HIBCH: variants seen among roughly 807,000 people sequenced by gnomAD.
HIBCH encodes the protein 3-hydroxyisobutyryl-CoA hydrolase, also known as 3-hydroxyisobutyryl-CoA hydrolase, mitochondrial.
In HIBCH, 50 loss-of-function variants were observed where a neutral mutation model predicts 58.2. The observed-to-expected ratio is 0.86, with a 90% CI of 0.68 to 1.09. The LOEUF (loss-of-function observed/expected upper bound fraction) is 1.09, where lower values mean the gene tolerates loss of function less well. Among genes scored for constraint, HIBCH ranks in the 50% least tolerant of loss-of-function variants. The pLI is 0.00. For missense variants in HIBCH, 450 were observed against 449.7 expected (o/e 1.00, Z -0.01); for synonymous variants, 151 against 146.9 (o/e 1.03, Z -0.20).
In HIBCH at chr2:190,206,896, T is replaced by C. The variant is rs1559010184; in HGVS notation, c.1046-1664A>G. On this transcript the variant is annotated intron_variant, in intron 13 of 13. Transcript: ENST00000359678. This position sits in a 1 kb window ranked among gnomAD's most constrained non-coding sequence, Gnocchi z 5.1. Reference sequence around the variant, plus strand: ...ATCCCAGCACTTTGGGAGGCTGAGGTAGGCGGATTACGAGGTCAGGAGATC... The same window carrying C: ...ATCCCAGCACTTTGGGAGGCTGAGGCAGGCGGATTACGAGGTCAGGAGATC... Among the ~76,000 whole-genome samples, 2 of 151,832 alleles carry C rather than the reference T, an allele frequency of 1.3e-5. No individual in the cohort carries two copies. The highest frequency in any genetic ancestry group is 2.1e-4 in the South Asian group (1 of 4,806).
intron 2 of HIBCH, 53 bp downstream of exon 2, chr2:190,310,701 C>T (rs1688533923): frequency 7.2e-7 from 1 of 1,382,010 alleles, no homozygotes; most frequent in Non-Finnish European, 1.0e-6. Flanking sequence ...CTAACAATGA[C>T]ATTTTAAGTT....
intron 8 of HIBCH, among the ~76,000 whole-genome samples, chr2:190,250,733 T>G (rs1686739073): frequency 2.0e-5 from 3 of 152,210 alleles, no homozygotes; most frequent in African/African-American, 7.2e-5. Flanking sequence ...AAGGCCTTCA[T>G]AACAGTTTAC....
chr2:190,212,842 A>T (rs1690543401), intron 12 of HIBCH, 114 bp downstream of exon 12: 1 of 914,198 alleles, frequency 1.1e-6, no homozygotes, highest in South Asian at 1.5e-5. Flanking sequence ...TTGTAGAGTA[A>T]ATTTACAGGT....
At position 190,204,909 on chromosome 2, in the gene HIBCH, A is replaced by G; in HGVS notation, c.*208T>C. On this transcript the variant is annotated 3_prime_UTR_variant, in exon 14 of 14. Coordinates refer to ENST00000359678, the MANE Select transcript of HIBCH (RefSeq NM_014362.4). ...AGATAATATATAAACAGATGAGTAT[A>G]GCTAGTTCCAATAAAGCTTTATTTG... The G allele has an allele frequency of 1.8e-6, 1 of 565,150 alleles. No homozygotes were observed. The highest frequency in any genetic ancestry group is 3.2e-6 in the Non-Finnish European group (1 of 315,284). 35.0% of individuals were successfully genotyped at this position (565,150 alleles called of 1,614,324 possible). A position where few individuals can be genotyped will look rare whatever the true frequency, so the allele number is the denominator to read the frequency against.
At chr2:190,310,618 CTT>C (rs1440413330) in intron 2 of HIBCH, 134 bp downstream of exon 2, 17 of 773,690 alleles carry the variant, frequency 2.2e-5, no homozygotes, top group Middle Eastern at 2.4e-4. Context: ...TGTGCCATGT[CTT>C]GACACTCAGT....
intron 3 of HIBCH, 78 bp downstream of exon 3, chr2:190,296,735 G>T: frequency 1.5e-6 from 2 of 1,303,724 alleles, no homozygotes; most frequent in East Asian, 2.3e-5. Context: ...GTGATTCTAT[G>T]GGAGAAAATA....
Position 190,276,086 on chromosome 2 carries a change from C to G in HIBCH, c.438+11500G>C, listed in dbSNP as rs1575742834. Among the ~76,000 whole-genome samples, 3 of 152,246 alleles carry G rather than the reference C, an allele frequency of 2.0e-5. No homozygotes were observed. The South Asian group carries it at 6.2e-4, about 32-fold the overall frequency. On this transcript the variant is annotated intron_variant, in intron 6 of 13. Coordinates refer to ENST00000359678, the MANE Select transcript of HIBCH (RefSeq NM_014362.4). ...AGATAAAGCACAACCACAATGGCTA[C>G]CAAGAGAGAGAAGTGGTCCAGTCAA... is the stretch of plus-strand genomic sequence containing the variant.
chr2:190,247,541 C>T (rs1319088577), intron 9 of HIBCH, among the ~76,000 whole-genome samples: 2 of 152,236 alleles, frequency 1.3e-5, no homozygotes, highest in Middle Eastern at 3.4e-3. Flanking sequence ...ATATTTCCTT[C>T]CCTCTATCTT....
Position 190,295,158 on chromosome 2 carries a change from C to CA in HIBCH, c.220-529dup, listed in dbSNP as rs1688071587. Among the ~76,000 whole-genome samples, 4 of 152,192 alleles carry CA rather than the reference C, an allele frequency of 2.6e-5. No homozygotes were observed. In the South Asian group the frequency reaches 8.3e-4, roughly 32 times the overall value. ...TAATAAATAAGTAGGATGAAAGAAT[C>CA]AAGAGCCGATGAAAATGTGAAAGTC... is the stretch of plus-strand genomic sequence containing the variant. On this transcript the variant is annotated intron_variant, in intron 3 of 13. Coordinates refer to ENST00000359678, the MANE Select transcript of HIBCH (RefSeq NM_014362.4).
intron 1 of HIBCH, among the ~76,000 whole-genome samples, chr2:190,198,367 A>G (rs1243703637): frequency 2.0e-5 from 3 of 152,186 alleles, no homozygotes; most frequent in Admixed American, 2.0e-4. Context: ...CAGGCCAGGC[A>G]CAGTGGCTCA....
intron 4 of HIBCH, among the ~76,000 whole-genome samples, chr2:190,292,841 T>G (rs985818412): frequency 6.6e-6 from 1 of 152,222 alleles, no homozygotes; most frequent in Non-Finnish European, 1.5e-5. Flanking sequence ...CTTCAAATCT[T>G]TTTCTGATCT....
intron 11 of HIBCH, among the ~76,000 whole-genome samples, chr2:190,230,790 T>C (rs1395960267): frequency 2.6e-5 from 4 of 152,346 alleles, no homozygotes; most frequent in African/African-American, 9.6e-5. Context: ...CTTAAATTTA[T>C]ATAAACTTTT....
At position 190,210,010 on chromosome 2, in the gene HIBCH, GTT is replaced by G. The variant is rs2105899296; in HGVS notation, c.1012-1099_1012-1098del. On this transcript the variant is annotated intron_variant, in intron 12 of 13. Coordinates refer to ENST00000359678, the MANE Select transcript of HIBCH (RefSeq NM_014362.4). The surrounding 1 kb of genome is among the most constrained non-coding windows in gnomAD (Gnocchi z 5.5). ...CCATTAGTATCATCAACATAATCTT[GTT>G]TCTCTATTGGATCATTCCCAATCAT... 6.6e-6 allele frequency among the ~76,000 whole-genome samples: 1 copy of G among 152,048 alleles called. No individual in the cohort carries two copies. Among genetic ancestry groups the G allele is most frequent in the African/African-American group, 2.4e-5 (1 of 41,452 alleles).
At chr2:190,193,270 A>G (rs531262233) in intron 1 of HIBCH, among the ~76,000 whole-genome samples, 10 of 152,076 alleles carry the variant, frequency 6.6e-5, no homozygotes, top group Non-Finnish European at 1.5e-4. Context: ...TCTTTGGAAT[A>G]TCCTTGAATT....
At position 190,197,956 on chromosome 2, in the gene HIBCH, C is replaced by T. The variant is rs901014054; in HGVS notation, c.*17+7144G>A. Among the ~76,000 whole-genome samples the T allele has an allele frequency of 2.0e-5, 3 of 152,182 alleles. No homozygotes were observed. ...GGTTAACCATGTCCAATTCCCTTAA[C>T]CATCCCTCACAGTAAAAACTAGACA... On this transcript the variant is annotated intron_variant, in intron 1 of 1. Coordinates refer to the HIBCH transcript ENST00000399855. This position sits in a 1 kb window ranked among gnomAD's most constrained non-coding sequence, Gnocchi z 4.0.
chr2:190,204,281 A>T lies in HIBCH; in HGVS notation c.*836T>A, dbSNP rs958624850. 2.0e-5 allele frequency: 3 copies of T among 152,106 alleles called. No individual in the cohort carries two copies. The highest frequency in any genetic ancestry group is 4.4e-5 in the Non-Finnish European group (3 of 67,954). The allele number at this position is 152,106 out of a possible 1,614,324, so 9.4% of individuals were successfully genotyped here. A position where few individuals can be genotyped will look rare whatever the true frequency, so the allele number is the denominator to read the frequency against. ...TGTTTGTAAGGATAATTATCACACA[A>T]AAGTCTTACGTAAATTATAAAAAAA... On this transcript the variant is annotated 3_prime_UTR_variant, in exon 14 of 14. Coordinates refer to ENST00000359678, the MANE Select transcript of HIBCH (RefSeq NM_014362.4).
At chr2:190,285,288 T>C (rs888273399) in intron 6 of HIBCH, among the ~76,000 whole-genome samples, 6 of 152,232 alleles carry the variant, frequency 3.9e-5, no homozygotes, top group African/African-American at 1.4e-4. Context: ...TATTTTTACA[T>C]GCTGTTGGGT....
At chr2:190,246,005 A>AAAAGGAAGG (rs1242242992) in intron 10 of HIBCH, 149 bp downstream of exon 10, 1 of 562,136 alleles carries the variant, frequency 1.8e-6, no homozygotes, top group Non-Finnish European at 3.1e-6. Flanking sequence ...AAAAAAAAAA[A>AAAAGGAAGG]AAAGGAAGGA....
Position 190,306,231 on chromosome 2 carries a change from G to A in HIBCH, c.78+4523C>T, listed in dbSNP as rs892611890. Among the ~76,000 whole-genome samples, 30 of 152,208 alleles carry A rather than the reference G, an allele frequency of 2.0e-4. No homozygotes were observed. Among genetic ancestry groups the A allele is most frequent in the African/African-American group, 7.2e-4 (30 of 41,532 alleles). Reference sequence around the variant, plus strand: ...GGTCAAGAAATGGAATTTAGCCGCTGAGGGATGCAATCTGGCATAAGCGCT... The same window carrying A: ...GGTCAAGAAATGGAATTTAGCCGCTAAGGGATGCAATCTGGCATAAGCGCT... On this transcript the variant is annotated intron_variant, in intron 2 of 13. Coordinates refer to ENST00000359678, the MANE Select transcript of HIBCH (RefSeq NM_014362.4). This position sits in a 1 kb window ranked among gnomAD's most constrained non-coding sequence, Gnocchi z 4.6.
Sources: gnomAD v4.1 joint callset for allele counts (sites outside exome capture counted in the v4.1 genomes callset) on GRCh38, gnomAD v4.1.1 for gene constraint, Gnocchi (gnomAD v3.1) non-coding constraint, MANE v1.5 for transcripts, NCBI Gene and HGNC (gene_info 2026-07-23, HGNC 2026-07-21) for gene names.